KLHL31: variants seen among roughly 807,000 people sequenced by gnomAD.
KLHL31 encodes the protein kelch-like protein 31.
In KLHL31, 32 loss-of-function variants were observed where a neutral mutation model predicts 47.1. The ratio of observed to expected loss-of-function variants is 0.68; its 90% CI spans 0.51 to 0.91. KLHL31 has a LOEUF of 0.91. Among genes scored for constraint, KLHL31 ranks in the 40% least tolerant of loss-of-function variants. The pLI is 0.00. For synonymous variants in KLHL31, 330 were observed against 325.1 expected (o/e 1.01, Z -0.16); for missense variants, 797 against 819.3 (o/e 0.97, Z 0.33).
intron 1 of KLHL31, among the ~76,000 whole-genome samples, chr6:53,659,068 C>A (rs747816383): frequency 6.6e-6 from 1 of 152,134 alleles, no homozygotes; most frequent in Non-Finnish European, 1.5e-5. Flanking sequence ...AAATTTGAAC[C>A]ATTTTCATGA....
intron 1 of KLHL31, among the ~76,000 whole-genome samples, chr6:53,657,935 C>T (rs973712392): frequency 6.6e-6 from 1 of 152,180 alleles, no homozygotes; most frequent in Non-Finnish European, 1.5e-5. Flanking sequence ...TCCTTCTTCT[C>T]ATTCTTTTTT....
At chr6:53,665,295 A>C (rs1764703073) in intron 1 of KLHL31, among the ~76,000 whole-genome samples, 1 of 152,198 alleles carries the variant, frequency 6.6e-6, no homozygotes, top group African/African-American at 2.4e-5. Flanking sequence ...AATATATCTT[A>C]AGCTTTAGAG....
At position 53,665,646 on chromosome 6, in the gene KLHL31, A is replaced by T. The variant is rs1049863491; in HGVS notation, c.-79T>A. The T allele has an allele frequency of 6.6e-6, 1 of 152,198 alleles. No individual in the cohort carries two copies. Among genetic ancestry groups the T allele is most frequent in the Non-Finnish European group, 1.5e-5 (1 of 68,078 alleles). The allele number at this position is 152,198 out of a possible 1,614,324, so 9.4% of individuals were successfully genotyped here. A position where few individuals can be genotyped will look rare whatever the true frequency, so the allele number is the denominator to read the frequency against. ...GGTCAACTTGAGATGATGAAGTTTT[A>T]GCAGGAGACTCCTCTTGGGAAGGGA... On this transcript the variant is annotated 5_prime_UTR_variant, in exon 1 of 3. Transcript: ENST00000370905.
intron 1 of KLHL31, among the ~76,000 whole-genome samples, chr6:53,662,784 C>T (rs1370645989): frequency 5.3e-5 from 8 of 152,154 alleles, no homozygotes; most frequent in Non-Finnish European, 1.2e-4. Context: ...GGCAGAATTA[C>T]GTAAATCATT....
In KLHL31 at chr6:53,655,294, G is replaced by A. The variant is rs372580594; in HGVS notation, c.-22C>T. The A allele has an allele frequency of 6.2e-6, 9 of 1,449,646 alleles. No homozygotes were observed. The African/African-American group carries it at 1.3e-4, about 21-fold the overall frequency. 89.8% of individuals were successfully genotyped at this position (1,449,646 alleles called of 1,614,324 possible). The stretch of plus-strand genomic sequence containing the variant: ...CCATGTTGGCAAATACACTGTTACA[G>A]GCAAGAGCTTGCTAAAAAGAGAAAA... On this transcript the variant is annotated 5_prime_UTR_variant, in exon 2 of 3. Transcript: ENST00000370905.
intron 1 of KLHL31, among the ~76,000 whole-genome samples, chr6:53,662,061 A>G (rs903176658): frequency 1.3e-5 from 2 of 152,064 alleles, no homozygotes; most frequent in Non-Finnish European, 2.9e-5. Context: ...CTTGGTAGCC[A>G]GGGTCCAAGC....
chr6:53,652,686 A>G (rs1399894928), intron 2 of KLHL31, among the ~76,000 whole-genome samples: 1 of 152,146 alleles, frequency 6.6e-6, no homozygotes, highest in Non-Finnish European at 1.5e-5. Context: ...AGATGTGCAC[A>G]TGGGGGAGGC....
rs1349366676 is a variant in KLHL31, at chr6:53,649,479, A to G, written c.*2119T>C. 6.6e-6 allele frequency: 1 copy of G among 152,178 alleles called. No individual in the cohort carries two copies. Among genetic ancestry groups the G allele is most frequent in the Non-Finnish European group, 1.5e-5 (1 of 68,002 alleles). The allele number at this position is 152,178 out of a possible 1,614,324, so 9.4% of individuals were successfully genotyped here. On this transcript the variant is annotated 3_prime_UTR_variant, in exon 3 of 3. Transcript: ENST00000370905. ...CTAACATGTCTCCAGTTTCATCTCT[A>G]GAAAGCCACTGCCAAGTTTTTGCAC...
At chr6:53,663,143 C>T (rs1328245047) in intron 1 of KLHL31, among the ~76,000 whole-genome samples, 2 of 152,150 alleles carry the variant, frequency 1.3e-5, no homozygotes, top group Non-Finnish European at 2.9e-5. Flanking sequence ...GGGCAAAATT[C>T]AAACCCATGG....
Position 53,651,652 on chromosome 6 carries a change from G to A in KLHL31, c.1851C>T (p.Asn617=). 1.9e-6 allele frequency: 3 copies of A among 1,614,158 alleles called. No homozygotes were observed. Among genetic ancestry groups the A allele is most frequent in the Non-Finnish European group, 2.5e-6 (3 of 1,180,034 alleles). The change falls in exon 3 of 3, where the codon AAC becomes AAT. Residue 617 remains asparagine (N), a synonymous_variant. Coordinates refer to ENST00000370905, the MANE Select transcript of KLHL31 (RefSeq NM_001003760.5). ...AACTGGCCCGGGATTCCCGAGTCAC[G>A]TTGTTGGGCATCGAGAGGGTGCAGC... The part of the protein sequence containing the change: ...VSCCTLSMPN[N]VTRESRASSV...
Position 53,654,432 on chromosome 6 carries a change from C to T in KLHL31, c.841G>A (p.Asp281Asn). ...ACGAGAAGTCTGTGACAATCAGCAT[C>T]TTGCATCATTCTTGGTACGGATTGA... is the stretch of plus-strand genomic sequence containing the variant. Reference protein sequence around the residue: ...YVQSVPRMMQDADCHRLLVDA... With the variant: ...YVQSVPRMMQNADCHRLLVDA... Residue 281 changes from aspartate to asparagine, a missense_variant, in exon 2 of 3, where the codon GAT becomes AAT. Physicochemically the swap from Asp to Asn is conservative, Grantham distance 23 (BLOSUM62 1). Coordinates refer to ENST00000370905, the MANE Select transcript of KLHL31 (RefSeq NM_001003760.5). 1 of 1,614,214 alleles carries T rather than the reference C, an allele frequency of 6.2e-7. No individual in the cohort carries two copies. Among genetic ancestry groups the T allele is most frequent in the Non-Finnish European group, 8.5e-7 (1 of 1,180,024 alleles).
Position 53,652,182 on chromosome 6 carries a change from G to A in KLHL31, c.1321C>T (p.Pro441Ser), listed in dbSNP as rs1427012470. ...TTCGGCTGCCACTGATTGGTGGAGG[G>A]CACGTAGCACTCCAGCGAGGCCAGG... Reference protein sequence around the residue: ...GSLASLECYVPSTNQWQPKTP... With the variant: ...GSLASLECYVSSTNQWQPKTP... The change falls in exon 3 of 3, where the codon CCC becomes TCC. Residue 441 changes from proline to serine, a missense_variant. Pro to Ser is a moderately conservative substitution (Grantham distance 74, BLOSUM62 -1). Transcript: ENST00000370905. The A allele has an allele frequency of 1.2e-6, 2 of 1,610,250 alleles. No individual in the cohort carries two copies. Among genetic ancestry groups the A allele is most frequent in the Non-Finnish European group, 1.7e-6 (2 of 1,179,954 alleles).
Position 53,651,844 on chromosome 6 carries a change from C to T in KLHL31, c.1659G>A (p.Val553=), listed in dbSNP as rs747717220. The change falls in exon 3 of 3, where the codon GTG becomes GTA. Residue 553 remains valine, a synonymous_variant. Transcript: ENST00000370905. ...GQWSYAAPLQ[V]GVSTAGVSAL... is the part of the protein sequence containing the mutation. ...CCGAGACGCCCGCAGTGCTCACTCC[C>T]ACCTGCAGCGGCGCCGCGTAGCTCC... is the stretch of plus-strand genomic sequence containing the variant. 2 of 1,607,714 alleles carry T rather than the reference C, an allele frequency of 1.2e-6. No homozygotes were observed. Among genetic ancestry groups the T allele is most frequent in the Non-Finnish European group, 8.5e-7 (1 of 1,179,454 alleles).
chr6:53,652,540 C>A, intron 2 of KLHL31: 2 of 612,100 alleles, frequency 3.3e-6, no homozygotes, highest in Non-Finnish European at 5.7e-6. Flanking sequence ...GACCACCCCT[C>A]GCCCCCGTTT....
chr6:53,663,022 T>C (rs1764669543), intron 1 of KLHL31, among the ~76,000 whole-genome samples: 1 of 152,142 alleles, frequency 6.6e-6, no homozygotes, highest in Admixed American at 6.5e-5. Context: ...ATTACAGATA[T>C]CCTAAAAGGT....
Position 53,654,199 on chromosome 6 carries a change from C to G in KLHL31, c.1074G>C (p.Gln358His), listed in dbSNP as rs200101864. The G allele has an allele frequency of 3.8e-5, 62 of 1,614,194 alleles. 1 individual carries two copies. The highest frequency in any genetic ancestry group is 4.9e-5 in the Non-Finnish European group (58 of 1,180,038). ...GAAATCCATCCATCACAGCCACACA[C>G]TGATTAAAACTTTTGGCTGGCATTT... ...LTEMPAKSFN[Q>H]CVAVMDGFLY... The change falls in exon 2 of 3, where the codon CAG (glutamine) becomes CAC (histidine). Residue 358 changes from glutamine to histidine, a missense_variant. Coordinates refer to ENST00000370905, the MANE Select transcript of KLHL31 (RefSeq NM_001003760.5).
chr6:53,655,234 T>C lies in KLHL31; in HGVS notation c.39A>G (p.Gly13=). 1 of 1,586,858 alleles carries C rather than the reference T, an allele frequency of 6.3e-7. No individual in the cohort carries two copies. The highest frequency in any genetic ancestry group is 1.2e-5 in the South Asian group (1 of 86,542). ...PKKKIVKKNK[G]DINEMTIIVE... ...CGATTATAGTCATCTCATTGATATC[T>C]CCTTTGTTCTTTTTGACAATCTTCT... The change falls in exon 2 of 3, where the codon GGA becomes GGG. Residue 13 remains glycine, a synonymous_variant. Coordinates refer to ENST00000370905, the MANE Select transcript of KLHL31 (RefSeq NM_001003760.5).
At chr6:53,664,540 C>T (rs1327045007) in intron 1 of KLHL31, among the ~76,000 whole-genome samples, 6 of 152,208 alleles carry the variant, frequency 3.9e-5, no homozygotes, top group African/African-American at 1.4e-4. Context: ...TGGGCAAGTC[C>T]ATGTGAAAGT....
At position 53,651,264 on chromosome 6, in the gene KLHL31, C is replaced by G. The variant is rs12204568; in HGVS notation, c.*334G>C. On this transcript the variant is annotated 3_prime_UTR_variant, in exon 3 of 3. Transcript: ENST00000370905. ...TGTACTAACGTGTAGAGGAAAAAAT[C>G]TCAAATGTGGGTGTAACCGCTATAC... The G allele has an allele frequency of 5.1e-6, 1 of 195,268 alleles. No individual in the cohort carries two copies. Among genetic ancestry groups the G allele is most frequent in the Non-Finnish European group, 1.0e-5 (1 of 95,722 alleles). The allele number at this position is 195,268 out of a possible 1,614,324, so 12.1% of individuals were successfully genotyped here.
Sources: allele counts gnomAD v4.1 joint callset (sites outside exome capture counted in the v4.1 genomes callset), GRCh38; gene constraint gnomAD v4.1.1; transcripts MANE v1.5; gene names NCBI Gene and HGNC (gene_info 2026-07-23, HGNC 2026-07-21).